Variants in LAMA2 observed in about 807,000 individuals in gnomAD.
LAMA2 encodes laminin subunit alpha 2.
A neutral mutation model predicts 364.8 loss-of-function variants in LAMA2; 269 were observed. The observed-to-expected ratio is 0.74, with a 90% CI of 0.67 to 0.82. The LOEUF is 0.82. LAMA2 is among the 40% of genes least tolerant of loss of function. LAMA2 has a pLI of 0.00. For synonymous variants in LAMA2, 1,379 were observed against 1,370.6 expected (o/e 1.01, Z -0.14); for missense variants, 3,807 against 3,873.2 (o/e 0.98, Z 0.45).
intron 1 of LAMA2, among the ~76,000 whole-genome samples, chr6:128,962,174 A>G (rs1341066355): frequency 2.3e-5 from 3 of 131,148 alleles, no homozygotes; most frequent in African/African-American, 2.9e-5. Context: ...ATATATATAT[A>G]TATATATATA....
In LAMA2 at chr6:129,512,350, C is replaced by T. The variant is rs760355754; in HGVS notation, c.8858-13C>T. 1 of 1,612,334 alleles carries T rather than the reference C, an allele frequency of 6.2e-7. No homozygotes were observed. The highest frequency in any genetic ancestry group is 2.2e-5 in the East Asian group (1 of 44,812). ...CCTCTAATCCAAAATATTTTAAAAT[C>T]TTCATTTTACAGTTGGTGGATTCAA... On this transcript the variant is annotated splice_polypyrimidine_tract_variant and intron_variant, in intron 62 of 64. Coordinates refer to ENST00000421865, the MANE Select transcript of LAMA2 (RefSeq NM_000426.4).
At chr6:129,079,626 T>C (rs1311531858) in intron 3 of LAMA2, among the ~76,000 whole-genome samples, 1 of 151,934 alleles carries the variant, frequency 6.6e-6, no homozygotes, top group African/African-American at 2.4e-5. Flanking sequence ...TTTTCAGTCA[T>C]CGTTTCCCAG....
chr6:129,221,296 CT>C (rs58171173), intron 12 of LAMA2, among the ~76,000 whole-genome samples: 17,967 of 125,642 alleles, frequency 0.14, 2,488 homozygotes, highest in African/African-American at 0.4. Context: ...ATACTGGTTT[CT>C]TTTTTTTTTT....
At chr6:129,029,117 CAAGT>C (rs767872259) in intron 1 of LAMA2, among the ~76,000 whole-genome samples, 196 of 151,846 alleles carry the variant, frequency 1.3e-3, no homozygotes, top group Non-Finnish European at 2.0e-3. Flanking sequence ...ATGTTAGAAA[CAAGT>C]AAGAAGTTCC....
At chr6:128,991,659 T>C (rs1450081203) in intron 1 of LAMA2, among the ~76,000 whole-genome samples, 1 of 152,222 alleles carries the variant, frequency 6.6e-6, no homozygotes, top group East Asian at 1.9e-4. Context: ...AGGAACCTTT[T>C]TAGGTGAAAC....
chr6:129,391,483 C>G lies in LAMA2; in HGVS notation c.5072-8C>G, dbSNP rs1403094128. 6.2e-7 allele frequency: 1 copy of G among 1,611,892 alleles called. No individual in the cohort carries two copies. Among genetic ancestry groups the G allele is most frequent in the Non-Finnish European group, 8.5e-7 (1 of 1,178,326 alleles). On this transcript the variant is annotated splice_region_variant and splice_polypyrimidine_tract_variant and intron_variant, in intron 35 of 64. Transcript: ENST00000421865. ...ACTAATTTACAAAATTTGTTTTACC[C>G]CCTGCAGCTGTAAATGAAAAAGCTA...
intron 34 of LAMA2, among the ~76,000 whole-genome samples, chr6:129,382,729 A>C (rs1354265975): frequency 6.6e-6 from 1 of 152,226 alleles, no homozygotes; most frequent in Non-Finnish European, 1.5e-5. Context: ...TCAAGAGATC[A>C]TTGCTGCACT....
In LAMA2 at chr6:129,171,425, C is replaced by T. The variant is rs549758195; in HGVS notation, c.1306+5750C>T. On this transcript the variant is annotated intron_variant, in intron 9 of 64. Transcript: ENST00000421865. ...TCTGTAAAGTATTTTATTTCTCCTT[C>T]GCTTATGAAGCTTAGTTTGGCTGGA... 7.5e-3 allele frequency among the ~76,000 whole-genome samples: 1,129 copies of T among 151,542 alleles called. 14 individuals are homozygous for T. Among genetic ancestry groups the T allele is most frequent in the African/African-American group, 0.026 (1,093 of 41,308 alleles).
rs1554328792 is a variant in LAMA2 at position 128,933,258 on chromosome 6, G to GTGTC, written c.112+49904_112+49905insCTGT. ...TGTGTGTGTGTGTGTGTGTGTGTGT[G>GTGTC]TGTGTGTCTGTGTGTCTGTGTATGT... On this transcript the variant is annotated intron_variant, in intron 1 of 64. Transcript: ENST00000421865. Among the ~76,000 whole-genome samples, 1,221 of 148,904 alleles carry GTGTC rather than the reference G, an allele frequency of 8.2e-3. 18 individuals carry two copies. The highest frequency in any genetic ancestry group is 0.03 in the African/African-American group (1,166 of 38,728).
chr6:129,268,255 A>ATTTT (rs1787650473), intron 16 of LAMA2, among the ~76,000 whole-genome samples: 1 of 152,098 alleles, frequency 6.6e-6, no homozygotes, highest in Admixed American at 6.6e-5. Context: ...TTTGTGGATC[A>ATTTT]GTGGATTTTT....
chr6:128,969,929 T>G (rs1296641230), intron 1 of LAMA2, among the ~76,000 whole-genome samples: 1 of 152,190 alleles, frequency 6.6e-6, no homozygotes, highest in Non-Finnish European at 1.5e-5. Context: ...TGCAGTTATT[T>G]CGAGGTCTCA....
At chr6:129,455,100 G>C (rs886689418) in intron 47 of LAMA2, among the ~76,000 whole-genome samples, 1 of 152,056 alleles carries the variant, frequency 6.6e-6, no homozygotes, top group Non-Finnish European at 1.5e-5. Context: ...ATGTGCAATG[G>C]CATGTGCTGT....
intron 28 of LAMA2, among the ~76,000 whole-genome samples, chr6:129,323,543 T>G (rs753412412): frequency 3.0e-4 from 46 of 152,280 alleles, no homozygotes; most frequent in Non-Finnish European, 6.2e-4. Flanking sequence ...GGGGCCAGAT[T>G]ACCTTCAGGA....
At chr6:128,928,363 A>G (rs911031849) in intron 1 of LAMA2, among the ~76,000 whole-genome samples, 20 of 152,362 alleles carry the variant, frequency 1.3e-4, no homozygotes, top group Non-Finnish European at 4.4e-5. Context: ...TTTATAATAT[A>G]TATATAATGA....
In LAMA2 at chr6:129,158,880, G is replaced by C. The variant is rs561685767; in HGVS notation, c.1206+4197G>C. ...TCTTCTTCTATGATGGCAAAGCAAC[G>C]TCCATTAGTTATGCATGTGTTATTA... On this transcript the variant is annotated intron_variant, in intron 8 of 64. Coordinates refer to ENST00000421865, the MANE Select transcript of LAMA2 (RefSeq NM_000426.4). 1.7e-5 allele frequency: 28 copies of C among 1,612,386 alleles called. No individual in the cohort carries two copies. In the African/African-American group the frequency reaches 3.6e-4, roughly 21 times the overall value.
In LAMA2 at chr6:129,507,551, G is replaced by A; in HGVS notation, c.8766G>A (p.Leu2922=). 1 of 1,614,166 alleles carries A rather than the reference G, an allele frequency of 6.2e-7. No individual in the cohort carries two copies. The highest frequency in any genetic ancestry group is 1.1e-5 in the South Asian group (1 of 91,088). Residue 2922 remains leucine, a synonymous_variant, in exon 62 of 65, where the codon CTG becomes CTA. Coordinates refer to ENST00000421865, the MANE Select transcript of LAMA2 (RefSeq NM_000426.4). ...NLHMAEAPAD[L]EQPTSSFHVG... ...ACATGGCAGAGGCCCCTGCCGATCT[G>A]GAACAACCCACCTCCAGCTTCCATG...
intron 12 of LAMA2, among the ~76,000 whole-genome samples, chr6:129,234,880 C>G (rs1272326237): frequency 2.6e-5 from 4 of 152,104 alleles, no homozygotes; most frequent in Non-Finnish European, 5.9e-5. Context: ...GTCAATTACT[C>G]AGCCAGTTTC....
Position 128,971,353 on chromosome 6 carries a change from G to A in LAMA2, c.113-78565G>A, listed in dbSNP as rs556034856. On this transcript the variant is annotated intron_variant, in intron 1 of 64. Transcript: ENST00000421865. The stretch of plus-strand genomic sequence containing the variant: ...CTCAAGAAAGTGTATAATTTTATGC[G>A]TAGAGATAAGAGATGAGTACTTTCG... Among the ~76,000 whole-genome samples the A allele has an allele frequency of 1.3e-3, 202 of 152,246 alleles. 2 individuals carry two copies. Among genetic ancestry groups the A allele is most frequent in the African/African-American group, 4.3e-3 (177 of 41,540 alleles).
In LAMA2 at chr6:129,473,357, T is replaced by C; in HGVS notation, c.7439+5T>C. On this transcript the variant is annotated splice_donor_5th_base_variant and intron_variant, in intron 52 of 64. Transcript: ENST00000421865. Reference sequence around the variant, plus strand: ...GCCAACGCTGAGAAACTTGAGGTAATTTAGTTTATATGTAAAGCTAAGGAT... The same window carrying C: ...GCCAACGCTGAGAAACTTGAGGTAACTTAGTTTATATGTAAAGCTAAGGAT... The C allele has an allele frequency of 6.2e-7, 1 of 1,611,610 alleles. No individual in the cohort carries two copies. Among genetic ancestry groups the C allele is most frequent in the South Asian group, 1.1e-5 (1 of 91,038 alleles).
Sources: allele counts gnomAD v4.1 joint callset (sites outside exome capture counted in the v4.1 genomes callset), GRCh38; gene constraint gnomAD v4.1.1; transcripts MANE v1.5; gene names NCBI Gene and HGNC (gene_info 2026-07-23, HGNC 2026-07-21).